Variants in MEOX2 observed in about 807,000 individuals in gnomAD.
MEOX2 encodes the protein homeobox protein MOX-2.
In MEOX2, 11 loss-of-function variants were observed where a neutral mutation model predicts 27.0. The observed-to-expected ratio is 0.41, with a 90% CI of 0.26 to 0.68. The LOEUF (loss-of-function observed/expected upper bound fraction) is 0.68, where lower values mean the gene tolerates loss of function less well. MEOX2 is among the 30% of genes least tolerant of loss of function. The probability of loss-of-function intolerance (pLI) is 0.33; values close to 1 mark genes in which losing one functional copy is unlikely to be tolerated. For synonymous variants in MEOX2, 189 were observed against 155.4 expected, an observed-to-expected ratio of 1.22 and a Z score of -1.61; for missense variants, 436 against 385.4, an observed-to-expected ratio of 1.13 and a Z score of -1.10.
chr7:15,613,595 TTG>T (rs535916581), intron 2 of MEOX2, among the ~76,000 whole-genome samples: 1 of 152,106 alleles, frequency 6.6e-6, no homozygotes, highest in South Asian at 2.1e-4. Flanking sequence ...AGCCTGAATT[TTG>T]TGTGTCACCT....
At chr7:15,684,886 G>A (rs1782351903) in intron 1 of MEOX2, among the ~76,000 whole-genome samples, 1 of 152,224 alleles carries the variant, frequency 6.6e-6, no homozygotes, top group African/African-American at 2.4e-5. Context: ...TAAGAGCTTT[G>A]AAAACTTGTC....
intron 1 of MEOX2, among the ~76,000 whole-genome samples, chr7:15,676,336 A>T (rs1245035481): frequency 6.6e-6 from 1 of 152,184 alleles, no homozygotes; most frequent in Non-Finnish European, 1.5e-5. Context: ...GCTTTTAGTA[A>T]TATTTGCACA....
At chr7:15,678,402 C>T (rs1782237016) in intron 1 of MEOX2, among the ~76,000 whole-genome samples, 1 of 152,162 alleles carries the variant, frequency 6.6e-6, no homozygotes, top group Non-Finnish European at 1.5e-5. Context: ...AAGCTAGTCC[C>T]CATTACGTTT....
rs1170171474 is a variant in MEOX2 at position 15,677,425 on chromosome 7, G to C, written c.517+8461C>G. 2.0e-5 allele frequency: 3 copies of C among 152,220 alleles called. No individual in the cohort carries two copies. The East Asian group carries it at 5.8e-4, about 29-fold the overall frequency. 9.4% of individuals were successfully genotyped at this position (152,220 alleles called of 1,614,324 possible). On this transcript the variant is annotated intron_variant, in intron 1 of 2. Transcript: ENST00000262041. ...TAGCCCTAACTATTGTGTTCTCCCA[G>C]ATATGCTTGCCTCATTTCTTCTTCG...
intron 1 of MEOX2, among the ~76,000 whole-genome samples, chr7:15,671,585 C>G (rs1317141408): frequency 6.6e-6 from 1 of 152,110 alleles, no homozygotes; most frequent in African/African-American, 2.4e-5. Flanking sequence ...TCCTTACAAG[C>G]CAGGCCACAG....
At chr7:15,661,339 T>C (rs1266028071) in intron 1 of MEOX2, among the ~76,000 whole-genome samples, 1 of 152,236 alleles carries the variant, frequency 6.6e-6, no homozygotes, top group East Asian at 1.9e-4. Flanking sequence ...AAGCTAATTA[T>C]GGTTTAAGAG....
At chr7:15,664,310 T>C (rs1279006605) in intron 1 of MEOX2, among the ~76,000 whole-genome samples, 3 of 152,224 alleles carry the variant, frequency 2.0e-5, no homozygotes, top group Non-Finnish European at 4.4e-5. Context: ...TTTCTAGTTG[T>C]TGTGGCATTT....
chr7:15,642,204 T>C (rs1250426916), intron 1 of MEOX2, among the ~76,000 whole-genome samples: 1 of 152,198 alleles, frequency 6.6e-6, no homozygotes, highest in African/African-American at 2.4e-5. Flanking sequence ...TCAAACATGT[T>C]TTCCAAGTTA....
intron 1 of MEOX2, among the ~76,000 whole-genome samples, chr7:15,675,599 G>A (rs1372986685): frequency 6.6e-6 from 1 of 152,170 alleles, no homozygotes. Context: ...TAACTTCTCT[G>A]GGCACATTCC....
intron 1 of MEOX2, among the ~76,000 whole-genome samples, chr7:15,669,940 T>A (rs1782069422): frequency 6.6e-6 from 1 of 152,202 alleles, no homozygotes; most frequent in Non-Finnish European, 1.5e-5. Flanking sequence ...TCTAGCCTAG[T>A]TCCTGGCGTG....
In MEOX2 at chr7:15,612,207, C is replaced by A. The variant is rs141402850; in HGVS notation, c.*180G>T. ...CTTCTCCATCTTCACTGTGGAAGCT[C>A]TTTAATAAGTGGCACTTTGTGTAAA... On this transcript the variant is annotated 3_prime_UTR_variant, in exon 3 of 3. Coordinates refer to ENST00000262041, the MANE Select transcript of MEOX2 (RefSeq NM_005924.5). 1.6e-6 allele frequency: 1 copy of A among 612,732 alleles called. No individual in the cohort carries two copies. The highest frequency in any genetic ancestry group is 2.9e-6 in the Non-Finnish European group (1 of 349,224). 38.0% of individuals were successfully genotyped at this position (612,732 alleles called of 1,614,324 possible).
intron 1 of MEOX2, among the ~76,000 whole-genome samples, chr7:15,652,571 A>G (rs560457531): frequency 6.6e-6 from 1 of 152,170 alleles, no homozygotes; most frequent in Admixed American, 6.6e-5. Context: ...AGTACAAATA[A>G]AGATATTCTA....
intron 1 of MEOX2, among the ~76,000 whole-genome samples, chr7:15,659,492 G>A (rs974345898): frequency 3.3e-5 from 5 of 152,112 alleles, no homozygotes; most frequent in Non-Finnish European, 7.4e-5. Flanking sequence ...CCGGCGCGGT[G>A]GCTCACGCCT....
chr7:15,641,468 G>A (rs1327198228), intron 1 of MEOX2, among the ~76,000 whole-genome samples: 2 of 151,944 alleles, frequency 1.3e-5, no homozygotes, highest in Admixed American at 6.6e-5. Flanking sequence ...TGTTTGCATC[G>A]TAGATCTTTC....
intron 1 of MEOX2, among the ~76,000 whole-genome samples, chr7:15,682,289 C>G (rs1157134793): frequency 6.6e-6 from 1 of 151,656 alleles, no homozygotes; most frequent in African/African-American, 2.4e-5. Context: ...TCAGAAAACA[C>G]AATGATTGAA....
chr7:15,650,613 A>G (rs1781719344), intron 1 of MEOX2, among the ~76,000 whole-genome samples: 1 of 152,128 alleles, frequency 6.6e-6, no homozygotes, highest in Non-Finnish European at 1.5e-5. Context: ...TGTGCAGGGC[A>G]CAAAGATAAA....
intron 1 of MEOX2, chr7:15,680,888 A>T (rs2115397593): frequency 6.6e-6 from 1 of 151,882 alleles, no homozygotes; most frequent in East Asian, 1.9e-4. Context: ...AACCACTGAA[A>T]TCATTTACCA....
At chr7:15,632,484 G>A (rs1583752327) in intron 1 of MEOX2, among the ~76,000 whole-genome samples, 1 of 151,752 alleles carries the variant, frequency 6.6e-6, no homozygotes, top group Admixed American at 6.6e-5. Flanking sequence ...CTTCTTCCAT[G>A]ACCTAAGTAC....
intron 1 of MEOX2, among the ~76,000 whole-genome samples, chr7:15,645,371 A>G (rs1403928461): frequency 6.6e-6 from 1 of 152,234 alleles, no homozygotes; most frequent in Non-Finnish European, 1.5e-5. Flanking sequence ...CAGCTATGAC[A>G]AATCTAAAGC....
Sources: allele counts gnomAD v4.1 joint callset (sites outside exome capture counted in the v4.1 genomes callset), GRCh38; gene constraint gnomAD v4.1.1; transcripts MANE v1.5; gene names NCBI Gene and HGNC (gene_info 2026-07-23, HGNC 2026-07-21).